HABP4: variants seen among roughly 807,000 people sequenced by gnomAD.
The protein encoded by HABP4 is intracellular hyaluronan-binding protein 4.
HABP4 carries 32 observed loss-of-function variants against 44.1 expected under a neutral mutation model. That is an observed-to-expected ratio of 0.73 (90% confidence interval 0.55 to 0.97). HABP4 has a LOEUF of 0.97. HABP4 is among the 50% of genes least tolerant of loss of function. The probability of loss-of-function intolerance (pLI) is 0.00; values close to 1 mark genes in which losing one functional copy is unlikely to be tolerated. For synonymous variants in HABP4, 216 were observed against 218.0 expected, an observed-to-expected ratio of 0.99 and a Z score of 0.08; for missense variants, 503 against 561.9, an observed-to-expected ratio of 0.90 and a Z score of 1.06.
chr9:96,467,792 C>T (rs1832627983), intron 4 of HABP4, among the ~76,000 whole-genome samples: 1 of 152,204 alleles, frequency 6.6e-6, no homozygotes, highest in Non-Finnish European at 1.5e-5. Flanking sequence ...TCCCAAAGCG[C>T]TGGGATTACA....
At position 96,488,987 on chromosome 9, in the gene HABP4, A is replaced by C. The variant is rs1312389262; in HGVS notation, c.1185+713A>C. 6.6e-6 allele frequency among the ~76,000 whole-genome samples: 1 copy of C among 152,112 alleles called. No individual in the cohort carries two copies. The highest frequency in any genetic ancestry group is 2.4e-5 in the African/African-American group (1 of 41,418). On this transcript the variant is annotated intron_variant, in intron 7 of 7. Transcript: ENST00000375249. This position sits in a 1 kb window ranked among gnomAD's most constrained non-coding sequence, Gnocchi z 4.6. ...CAGTGCCACGCAGTGCCTGGCATGT[A>C]GTAGGTGCTTCCTAATGTGGTATGG...
intron 5 of HABP4, among the ~76,000 whole-genome samples, chr9:96,477,384 C>A (rs910165874): frequency 9.9e-5 from 15 of 152,088 alleles, no homozygotes; most frequent in African/African-American, 2.9e-4. Flanking sequence ...GTAAGTTGTT[C>A]AGCTTAAAGC....
At chr9:96,470,504 G>A (rs1832675069) in intron 4 of HABP4, among the ~76,000 whole-genome samples, 1 of 152,058 alleles carries the variant, frequency 6.6e-6, no homozygotes, top group Admixed American at 6.5e-5. Flanking sequence ...TTAAAGAATT[G>A]ATTTCAGTAG....
chr9:96,482,744 A>G (rs1267835152), intron 5 of HABP4, among the ~76,000 whole-genome samples: 1 of 152,216 alleles, frequency 6.6e-6, no homozygotes, highest in Non-Finnish European at 1.5e-5. Context: ...AAATGGAATC[A>G]TACACAGAAG....
chr9:96,478,427 G>A (rs955406646), intron 5 of HABP4, among the ~76,000 whole-genome samples: 18 of 152,030 alleles, frequency 1.2e-4, no homozygotes, highest in Non-Finnish European at 2.2e-4. Flanking sequence ...CACCGTGCCC[G>A]TCCTGAACAT....
chr9:96,473,980 T>TG (rs1408277122), intron 5 of HABP4, among the ~76,000 whole-genome samples: 1 of 152,198 alleles, frequency 6.6e-6, no homozygotes, highest in African/African-American at 2.4e-5. Flanking sequence ...ATCTGTAAAA[T>TG]GGGAATAATA....
Position 96,490,178 on chromosome 9 carries a change from G to C in HABP4, c.*140G>C. On this transcript the variant is annotated 3_prime_UTR_variant, in exon 8 of 8. Transcript: ENST00000375249. ...ATGTAAATTTGTTGCACTTTTTTGG[G>C]CTGAGCTGTTAGAGGGGCTTCTCCA... The C allele has an allele frequency of 3.0e-6, 2 of 664,988 alleles. No individual in the cohort carries two copies. The highest frequency in any genetic ancestry group is 5.5e-6 in the Non-Finnish European group (2 of 365,414). 41.2% of individuals were successfully genotyped at this position (664,988 alleles called of 1,614,324 possible).
Position 96,450,902 on chromosome 9 carries a change from A to T in HABP4, c.349+274A>T, listed in dbSNP as rs1051852800. ...ACGGCAAGTTGGACGAAGTTGAGGG[A>T]GGTTGTCTGGGTGGCGTGTGGGGGC... is the stretch of plus-strand genomic sequence containing the variant. On this transcript the variant is annotated intron_variant, in intron 1 of 7. Coordinates refer to ENST00000375249, the MANE Select transcript of HABP4 (RefSeq NM_014282.4). This position sits in a 1 kb window ranked among gnomAD's most constrained non-coding sequence, Gnocchi z 4.8. 2.0e-5 allele frequency among the ~76,000 whole-genome samples: 3 copies of T among 151,872 alleles called. No individual in the cohort carries two copies. Among genetic ancestry groups the T allele is most frequent in the African/African-American group, 7.3e-5 (3 of 41,308 alleles).
chr9:96,451,324 C>T (rs540137937), intron 1 of HABP4: 11 of 174,760 alleles, frequency 6.3e-5, no homozygotes, highest in East Asian at 5.7e-4. Flanking sequence ...GTTCCCCACT[C>T]CCTATTTAGC....
intron 5 of HABP4, among the ~76,000 whole-genome samples, chr9:96,472,561 A>G (rs948093178): frequency 1.3e-5 from 2 of 152,124 alleles, no homozygotes; most frequent in Non-Finnish European, 2.9e-5. Context: ...TCGGGCTGCC[A>G]TCCCCCCCGA....
At chr9:96,485,251 A>G (rs1371319512) in intron 6 of HABP4, among the ~76,000 whole-genome samples, 2 of 152,084 alleles carry the variant, frequency 1.3e-5, no homozygotes, top group Middle Eastern at 3.4e-3. Flanking sequence ...GGGCTTTTCC[A>G]TGTTGGTCAG....
At chr9:96,459,943 G>T (rs1350269065) in intron 2 of HABP4, among the ~76,000 whole-genome samples, 1 of 152,156 alleles carries the variant, frequency 6.6e-6, no homozygotes, top group African/African-American at 2.4e-5. Flanking sequence ...CAAATCTGCT[G>T]TGTAGTAAGC....
intron 5 of HABP4, among the ~76,000 whole-genome samples, chr9:96,475,017 C>G (rs1034586038): frequency 1.3e-5 from 2 of 152,094 alleles, no homozygotes; most frequent in African/African-American, 2.4e-5. Context: ...TTAACTGTTC[C>G]TTGTTGCATA....
At position 96,489,989 on chromosome 9, in the gene HABP4, A is replaced by G. The variant is rs771902546; in HGVS notation, c.1193A>G (p.Asp398Gly). The G allele has an allele frequency of 1.4e-5, 22 of 1,587,746 alleles. No individual in the cohort carries two copies. The highest frequency in any genetic ancestry group is 2.7e-5 in the African/African-American group (2 of 74,360). Residue 398 changes from aspartate to glycine, a missense_variant, in exon 8 of 8, where the codon GAT (aspartate) becomes GGT (glycine). By Grantham distance (94) the Asp-to-Gly change is moderately conservative. Around this residue, in one of 3 missense-constraint regions of HABP4, gnomAD observed 82 missense variants for 71.6 expected, o/e 1.15. Coordinates refer to ENST00000375249, the MANE Select transcript of HABP4 (RefSeq NM_014282.4). ...YGPRAEVVMQ[D>G]VAPNPDDPED... ...ATTTCTTTTTTTCTTTAGATGCAAG[A>G]TGTTGCCCCCAACCCAGATGACCCG...
Position 96,488,710 on chromosome 9 carries a change from C to T in HABP4, c.1185+436C>T, listed in dbSNP as rs1364308499. ...CCTCCCCGGCTCACCTGCCTCACAC[C>T]GTCCTCAGCCAAGGCTGCCTGATTC... On this transcript the variant is annotated intron_variant, in intron 7 of 7. Transcript: ENST00000375249. The surrounding 1 kb of genome is among the most constrained non-coding windows in gnomAD (Gnocchi z 4.6). Among the ~76,000 whole-genome samples, 1 of 152,144 alleles carries T rather than the reference C, an allele frequency of 6.6e-6. No homozygotes were observed. The highest frequency in any genetic ancestry group is 1.5e-5 in the Non-Finnish European group (1 of 68,030).
At position 96,450,689 on chromosome 9, in the gene HABP4, G is replaced by T; in HGVS notation, c.349+61G>T. 1 of 1,195,612 alleles carries T rather than the reference G, an allele frequency of 8.4e-7. No homozygotes were observed. The allele number at this position is 1,195,612 out of a possible 1,614,324, so 74.1% of individuals were successfully genotyped here. A position where few individuals can be genotyped will look rare whatever the true frequency, so the allele number is the denominator to read the frequency against. ...CGGCCCGCTGTGAGACTGGGGTCCC[G>T]GGGGCCGGTTTCAGGAGGAGGGGCC... is the stretch of plus-strand genomic sequence containing the variant. On this transcript the variant is annotated intron_variant, in intron 1 of 7. Transcript: ENST00000375249. This position sits in a 1 kb window ranked among gnomAD's most constrained non-coding sequence, Gnocchi z 4.8.
chr9:96,455,561 C>T (rs1832360034), intron 1 of HABP4, among the ~76,000 whole-genome samples: 2 of 151,132 alleles, frequency 1.3e-5, no homozygotes, highest in Non-Finnish European at 2.9e-5. Flanking sequence ...GTCTGGAGTT[C>T]GAGACCAGCC....
chr9:96,472,945 GCT>G (rs1425226829), intron 5 of HABP4, among the ~76,000 whole-genome samples: 1 of 152,184 alleles, frequency 6.6e-6, no homozygotes, highest in African/African-American at 2.4e-5. Context: ...TCGTAAACGT[GCT>G]CTCCTGTTGG....
chr9:96,490,911 T>C lies in HABP4; in HGVS notation c.*873T>C, dbSNP rs978689228. 3 of 152,260 alleles carry C rather than the reference T, an allele frequency of 2.0e-5. No individual in the cohort carries two copies. The highest frequency in any genetic ancestry group is 4.4e-5 in the Non-Finnish European group (3 of 68,050). The allele number at this position is 152,260 out of a possible 1,614,324, so 9.4% of individuals were successfully genotyped here. A position where few individuals can be genotyped will look rare whatever the true frequency, so the allele number is the denominator to read the frequency against. ...ATAACTAGTATTTATTAAGCACTTATAAGCAGTTTTTCTCACTTAGTCCTG... is the reference window on the plus strand; with the variant it reads ...ATAACTAGTATTTATTAAGCACTTACAAGCAGTTTTTCTCACTTAGTCCTG... On this transcript the variant is annotated 3_prime_UTR_variant, in exon 8 of 8. Coordinates refer to ENST00000375249, the MANE Select transcript of HABP4 (RefSeq NM_014282.4).
Sources: allele counts gnomAD v4.1 joint callset (sites outside exome capture counted in the v4.1 genomes callset), GRCh38; gene constraint gnomAD v4.1.1; regional missense constraint gnomAD v4.1.1; non-coding constraint Gnocchi (gnomAD v3.1); transcripts MANE v1.5; gene names NCBI Gene and HGNC (gene_info 2026-07-23, HGNC 2026-07-21).